The following HACD3 variants were observed in gnomAD, a reference collection of about 807,000 sequenced individuals.
HACD3 encodes the protein 3-hydroxyacyl-CoA dehydratase 3, also known as very-long-chain (3R)-3-hydroxyacyl-CoA dehydratase 3.
A neutral mutation model predicts 55.2 loss-of-function variants in HACD3; 30 were observed. That is an observed-to-expected ratio of 0.54 (90% CI 0.41 to 0.74). HACD3 has a LOEUF of 0.74. Among genes scored for constraint, HACD3 ranks in the 30% least tolerant of loss-of-function variants. The pLI is 0.00. For synonymous variants in HACD3, 141 were observed against 151.7 expected, an observed-to-expected ratio of 0.93 and a Z score of 0.52; for missense variants, 363 against 440.1, an observed-to-expected ratio of 0.82 and a Z score of 1.57.
chr15:65,549,605 A>G (rs976831147), intron 1 of HACD3, among the ~76,000 whole-genome samples: 5 of 148,390 alleles, frequency 3.4e-5, no homozygotes, highest in Non-Finnish European at 5.9e-5. Flanking sequence ...ATCTCAAAAA[A>G]AAAAAAAAAA....
At chr15:65,530,919 G>A (rs1191068229) in intron 1 of HACD3, 7 of 549,648 alleles carry the variant, frequency 1.3e-5, no homozygotes, top group Admixed American at 3.7e-5. Context: ...CCCCCCGAGG[G>A]CTGCAGGAAC....
chr15:65,547,412 G>A (rs973915051), intron 1 of HACD3, among the ~76,000 whole-genome samples: 2 of 152,214 alleles, frequency 1.3e-5, no homozygotes, highest in Non-Finnish European at 2.9e-5. Flanking sequence ...ACCGCGCCCG[G>A]CCAAGTACCC....
chr15:65,557,979 A>G (rs539467177), intron 4 of HACD3, among the ~76,000 whole-genome samples: 47 of 143,736 alleles, frequency 3.3e-4, no homozygotes, highest in African/African-American at 1.2e-3. Context: ...ACTTTCTGGC[A>G]GTATAAGCTG....
chr15:65,535,776 G>C, intron 1 of HACD3: 3 of 651,976 alleles, frequency 4.6e-6, no homozygotes, highest in Non-Finnish European at 8.4e-6. Flanking sequence ...GCTCACCGTA[G>C]CCTTGAACTC....
chr15:65,573,138 A>C (rs1344843597), intron 10 of HACD3, among the ~76,000 whole-genome samples: 1 of 151,988 alleles, frequency 6.6e-6, no homozygotes, highest in Non-Finnish European at 1.5e-5. Context: ...CACAATAGGA[A>C]AGTCCCCTGC....
At chr15:65,538,666 G>A (rs984240996) in intron 1 of HACD3, among the ~76,000 whole-genome samples, 1 of 152,194 alleles carries the variant, frequency 6.6e-6, no homozygotes, top group African/African-American at 2.4e-5. Context: ...GATTTTAAAA[G>A]AAATTATTCT....
At chr15:65,554,854 A>G (rs1474917185) in intron 2 of HACD3, 33 bp from the exon 3 acceptor site, 1 of 1,532,680 alleles carries the variant, frequency 6.5e-7, no homozygotes, top group Non-Finnish European at 9.0e-7. Context: ...GCTCTGCTCA[A>G]GTTTGCAGTA....
intron 1 of HACD3, among the ~76,000 whole-genome samples, chr15:65,540,308 A>G (rs146465666): frequency 1.0e-3 from 153 of 152,358 alleles, no homozygotes; most frequent in African/African-American, 3.6e-3. Flanking sequence ...TGAGCAACAC[A>G]TATAAAGGCA....
chr15:65,544,946 G>T (rs997714406), intron 1 of HACD3, among the ~76,000 whole-genome samples: 3 of 151,770 alleles, frequency 2.0e-5, no homozygotes, highest in African/African-American at 7.3e-5. Context: ...GCTTGAACCC[G>T]GGAGGCGGAG....
intron 8 of HACD3, among the ~76,000 whole-genome samples, chr15:65,570,444 A>AAG (rs1409385352): frequency 3.3e-5 from 5 of 152,348 alleles, no homozygotes; most frequent in African/African-American, 1.2e-4. Context: ...AGAGAAAGGG[A>AAG]AGACTCATCT....
chr15:65,551,575 G>C (rs1383526745), intron 1 of HACD3, 101 bp from the exon 2 acceptor site: 54 of 1,315,562 alleles, frequency 4.1e-5, no homozygotes, highest in Non-Finnish European at 5.8e-5. Flanking sequence ...GTAGGAGTTT[G>C]AGTCCTTATG....
intron 5 of HACD3, among the ~76,000 whole-genome samples, chr15:65,561,101 G>C (rs1025228103): frequency 7.9e-5 from 12 of 152,040 alleles, no homozygotes; most frequent in Non-Finnish European, 1.3e-4. Flanking sequence ...TACTGTATCT[G>C]TCTCTTTGAG....
chr15:65,551,309 C>T (rs1018413871), intron 1 of HACD3, among the ~76,000 whole-genome samples: 1 of 152,222 alleles, frequency 6.6e-6, no homozygotes, highest in Non-Finnish European at 1.5e-5. Context: ...TCATCTGTCC[C>T]ACTGGATCCT....
At chr15:65,555,193 C>T (rs1185603356) in intron 3 of HACD3, among the ~76,000 whole-genome samples, 2 of 152,202 alleles carry the variant, frequency 1.3e-5, no homozygotes, top group African/African-American at 4.8e-5. Context: ...TTGAACAAGT[C>T]TCTTAACTTC....
At position 65,551,551 on chromosome 15, in the gene HACD3, G is replaced by C. The variant is rs539515014; in HGVS notation, c.88-125G>C. On this transcript the variant is annotated intron_variant, in intron 1 of 10. Transcript: ENST00000261875. ...TGAATAAATGACTAAATATATTTCT[G>C]GGGGAGGCACAGAGTAGGAGTTTGA... The C allele has an allele frequency of 1.5e-4, 151 of 1,000,636 alleles. 1 individual carries two copies. The South Asian group carries it at 1.9e-3, about 13-fold the overall frequency. The allele number at this position is 1,000,636 out of a possible 1,614,324, so 62.0% of individuals were successfully genotyped here.
At chr15:65,551,795 A>T in intron 2 of HACD3, 77 bp downstream of exon 2, 1 of 1,540,956 alleles carries the variant, frequency 6.5e-7, no homozygotes. Flanking sequence ...TTTTAAAAAA[A>T]TGTATTTGTC....
chr15:65,565,820 A>T (rs2072285283), intron 7 of HACD3: 1 of 152,202 alleles, frequency 6.6e-6, no homozygotes, highest in Admixed American at 6.5e-5. Flanking sequence ...TCCTCAAAAA[A>T]TGGGTTTTTC....
chr15:65,565,895 A>C (rs2072286288), intron 7 of HACD3: 1 of 152,172 alleles, frequency 6.6e-6, no homozygotes, highest in Admixed American at 6.5e-5. Flanking sequence ...TTTAAAACGG[A>C]ATGCTTTTAA....
At chr15:65,559,099 C>T (rs950702238) in intron 5 of HACD3, among the ~76,000 whole-genome samples, 3 of 152,224 alleles carry the variant, frequency 2.0e-5, no homozygotes, top group Non-Finnish European at 4.4e-5. Flanking sequence ...CAGCTGAAAT[C>T]TCAAAGGCTG....
Sources: allele counts gnomAD v4.1 joint callset (sites outside exome capture counted in the v4.1 genomes callset), GRCh38; gene constraint gnomAD v4.1.1; transcripts MANE v1.5; gene names NCBI Gene and HGNC (gene_info 2026-07-23, HGNC 2026-07-21).